RBM26: variants seen among roughly 807,000 people sequenced by gnomAD.
RBM26 encodes the protein RNA-binding protein 26.
In RBM26, 30 loss-of-function variants were observed where a neutral mutation model predicts 123.6. The ratio of observed to expected loss-of-function variants is 0.24; its 90% CI spans 0.18 to 0.33. RBM26 has a LOEUF of 0.33. Ranked by LOEUF, RBM26 falls within the 10% of genes least tolerant of loss-of-function variation. The probability of loss-of-function intolerance (pLI) is 1.00; values close to 1 mark genes in which losing one functional copy is unlikely to be tolerated. For missense variants in RBM26, 947 were observed against 1,203.6 expected, an observed-to-expected ratio of 0.79 and a Z score of 3.15; for synonymous variants, 400 against 404.4, an observed-to-expected ratio of 0.99 and a Z score of 0.13.
intron 1 of RBM26, among the ~76,000 whole-genome samples, chr13:79,399,400 C>T (rs2078872606): frequency 6.6e-6 from 1 of 151,808 alleles, no homozygotes; most frequent in Non-Finnish European, 1.5e-5. Context: ...ATAAATGGTG[C>T]CCACTACTAA....
intron 14 of RBM26, among the ~76,000 whole-genome samples, chr13:79,349,984 T>C (rs961449181): frequency 2.0e-5 from 3 of 152,238 alleles, no homozygotes; most frequent in East Asian, 1.9e-4. Context: ...GCGTGAGCCA[T>C]GCGCCCAGCC....
intron 14 of RBM26, among the ~76,000 whole-genome samples, chr13:79,349,179 T>C (rs1311811266): frequency 6.6e-6 from 1 of 152,224 alleles, no homozygotes; most frequent in Admixed American, 6.5e-5. Flanking sequence ...TTAACATTTG[T>C]ATTACGTCAC....
At chr13:79,356,382 AAAC>A (rs1266735314) in intron 11 of RBM26, among the ~76,000 whole-genome samples, 6 of 32,776 alleles carry the variant, frequency 1.8e-4, no homozygotes, top group South Asian at 1.1e-3. Context: ...AAAAAAAAAA[AAAC>A]AAACAAAAAA....
At chr13:79,340,479 TAC>T (rs950559386) in intron 18 of RBM26, among the ~76,000 whole-genome samples, 2 of 152,032 alleles carry the variant, frequency 1.3e-5, no homozygotes, top group Non-Finnish European at 2.9e-5. Context: ...CAAACCACAA[TAC>T]AGACATGTGC....
At position 79,368,674 on chromosome 13, in the gene RBM26, A is replaced by G; in HGVS notation, c.895+56T>C. ...TAACTATGTACAACATAAACACAGAATTTAGGCAGCTGGAAATATTAATTA... is the reference window on the plus strand; with the variant it reads ...TAACTATGTACAACATAAACACAGAGTTTAGGCAGCTGGAAATATTAATTA... On this transcript the variant is annotated intron_variant, in intron 6 of 21. Transcript: ENST00000438737. 8 of 1,527,964 alleles carry G rather than the reference A, an allele frequency of 5.2e-6. No homozygotes were observed. In the South Asian group the frequency reaches 9.8e-5, roughly 19 times the overall value. The allele number at this position is 1,527,964 out of a possible 1,614,324, so 94.7% of individuals were successfully genotyped here.
intron 17 of RBM26, among the ~76,000 whole-genome samples, 174 bp downstream of exon 17, chr13:79,342,490 G>A (rs2071571872): frequency 6.6e-6 from 1 of 151,898 alleles, no homozygotes; most frequent in South Asian, 2.1e-4. Context: ...GAATTTAAAA[G>A]ATTAGTAGAG....
chr13:79,346,951 T>C (rs916036420), intron 14 of RBM26, among the ~76,000 whole-genome samples: 1 of 152,204 alleles, frequency 6.6e-6, no homozygotes, highest in African/African-American at 2.4e-5. Context: ...ACAATGAATA[T>C]CGTAACCCAA....
chr13:79,332,932 T>C (rs910283991), intron 20 of RBM26, among the ~76,000 whole-genome samples: 1 of 152,200 alleles, frequency 6.6e-6, no homozygotes, highest in Non-Finnish European at 1.5e-5. Context: ...TTTAAAGTTC[T>C]TAATAAATCC....
In RBM26 at chr13:79,337,224, C is replaced by T; in HGVS notation, c.2611G>A (p.Gly871Ser). 1.2e-6 allele frequency: 2 copies of T among 1,614,166 alleles called. No individual in the cohort carries two copies. The highest frequency in any genetic ancestry group is 1.7e-6 in the Non-Finnish European group (2 of 1,180,026). ...CCTCGCCCTCGCCCTCGCCCCCTGCCTCGGCCATGAACTGCACCTCGACCT... is the reference window on the plus strand; with the variant it reads ...CCTCGCCCTCGCCCTCGCCCCCTGCTTCGGCCATGAACTGCACCTCGACCT... ...SRGRGAVHGRGRGRGRGRGVP... is the reference protein window; with the variant it reads ...SRGRGAVHGRSRGRGRGRGVP... Residue 871 changes from glycine to serine, a missense_variant, in exon 19 of 22, where the codon GGC (glycine) becomes AGC (serine). Physicochemically the swap from Gly to Ser is moderately conservative, Grantham distance 56. Coordinates refer to ENST00000438737, the MANE Select transcript of RBM26 (RefSeq NM_001366735.2).
At chr13:79,393,546 C>CTT (rs1303651149) in intron 1 of RBM26, among the ~76,000 whole-genome samples, 4 of 152,212 alleles carry the variant, frequency 2.6e-5, no homozygotes, top group African/African-American at 9.6e-5. Flanking sequence ...TTCCGCATGA[C>CTT]TTGAGTACAT....
Position 79,358,222 on chromosome 13 carries a change from T to G in RBM26, c.1689+52A>C, listed in dbSNP as rs532572253. On this transcript the variant is annotated intron_variant, in intron 11 of 21. Coordinates refer to ENST00000438737, the MANE Select transcript of RBM26 (RefSeq NM_001366735.2). ...TATAAAGGTAGTTTTCTTATTACAT[T>G]AAGTTCCCTAAACAGAAAGAAGAGA... The G allele has an allele frequency of 2.1e-6, 3 of 1,419,084 alleles. No homozygotes were observed. The African/African-American group carries it at 4.4e-5, about 21-fold the overall frequency. The allele number at this position is 1,419,084 out of a possible 1,614,324, so 87.9% of individuals were successfully genotyped here.
intron 19 of RBM26, among the ~76,000 whole-genome samples, chr13:79,336,673 A>G (rs1229426367): frequency 2.6e-5 from 4 of 152,236 alleles, no homozygotes; most frequent in African/African-American, 4.8e-5. Flanking sequence ...AGGCAACTTC[A>G]AGATCATAGG....
intron 20 of RBM26, among the ~76,000 whole-genome samples, chr13:79,328,210 T>C (rs1446399381): frequency 6.6e-6 from 1 of 152,034 alleles, no homozygotes. Flanking sequence ...TAATTGGGTG[T>C]GAGAGGGAAT....
intron 1 of RBM26, among the ~76,000 whole-genome samples, chr13:79,400,286 G>A (rs2140533469): frequency 6.6e-6 from 1 of 152,280 alleles, no homozygotes; most frequent in South Asian, 2.1e-4. Context: ...TTGGCTCACA[G>A]TTCTGGAGGC....
intron 3 of RBM26, among the ~76,000 whole-genome samples, chr13:79,372,460 G>C (rs1368056163): frequency 1.3e-5 from 2 of 151,526 alleles, no homozygotes; most frequent in African/African-American, 4.8e-5. Flanking sequence ...TCTCTACTAA[G>C]TATAATCATT....
At chr13:79,367,082 G>T (rs992501127) in intron 6 of RBM26, among the ~76,000 whole-genome samples, 2 of 151,990 alleles carry the variant, frequency 1.3e-5, no homozygotes, top group Non-Finnish European at 2.9e-5. Flanking sequence ...ATATAGTTAG[G>T]ATGTTTATCC....
intron 7 of RBM26, 77 bp downstream of exon 7, chr13:79,366,556 A>G: frequency 2.1e-6 from 3 of 1,395,552 alleles, no homozygotes; most frequent in South Asian, 1.5e-5. Flanking sequence ...GATACTTTTA[A>G]TTTAAGAATC....
chr13:79,323,645 A>ATTT (rs1310978634), intron 20 of RBM26, among the ~76,000 whole-genome samples: 29 of 151,694 alleles, frequency 1.9e-4, no homozygotes, highest in African/African-American at 7.0e-4. Flanking sequence ...TTCACCTAAA[A>ATTT]AGCAAAAGAG....
intron 16 of RBM26, among the ~76,000 whole-genome samples, chr13:79,343,932 T>G (rs1389277912): frequency 6.6e-6 from 1 of 151,834 alleles, no homozygotes; most frequent in African/African-American, 2.4e-5. Context: ...GACTAGAGGA[T>G]CCTAAGCTAG....
Sources: gnomAD v4.1 joint callset for allele counts (sites outside exome capture counted in the v4.1 genomes callset) on GRCh38, gnomAD v4.1.1 for gene constraint, MANE v1.5 for transcripts, NCBI Gene and HGNC (gene_info 2026-07-23, HGNC 2026-07-21) for gene names.